Variants in SNRNP40 observed in about 807,000 individuals in gnomAD.
The protein encoded by SNRNP40 is small nuclear ribonucleoprotein U5 subunit 40, also known as U5 small nuclear ribonucleoprotein 40 kDa protein.
In SNRNP40, 21 loss-of-function variants were observed where a neutral mutation model predicts 45.8. That is an observed-to-expected ratio of 0.46 (90% CI 0.32 to 0.66). The LOEUF (loss-of-function observed/expected upper bound fraction) is 0.66, where lower values mean the gene tolerates loss of function less well. Among genes scored for constraint, SNRNP40 ranks in the 30% least tolerant of loss-of-function variants. SNRNP40 has a pLI of 0.03. For missense variants in SNRNP40, 344 were observed against 439.1 expected, an observed-to-expected ratio of 0.78 and a Z score of 1.94; for synonymous variants, 142 against 163.8, an observed-to-expected ratio of 0.87 and a Z score of 1.01.
Position 31,296,622 on chromosome 1 carries a change from A to C in SNRNP40, c.130T>G (p.Leu44Val). 1 of 1,611,308 alleles carries C rather than the reference A, an allele frequency of 6.2e-7. No individual in the cohort carries two copies. Among genetic ancestry groups the C allele is most frequent in the South Asian group, 1.1e-5 (1 of 90,880 alleles). Residue 44 changes from leucine to valine, a missense_variant, in exon 1 of 10, where the codon TTG (leucine) becomes GTG (valine). Physicochemically the swap from Leu to Val is conservative, Grantham distance 32. This residue lies in a region of SNRNP40 where 90 missense variants were observed against 58.9 expected (regional missense o/e 1.53). Transcript: ENST00000263694. ...AGQQQATPGA[L>V]LQAGPPRCSS... is the part of the protein sequence containing the mutation. ...GCTTCTTCACTTACCGCTTGCAGCA[A>C]GGCTCCCGGCGTCGCCTGCTGCTGC... is the stretch of plus-strand genomic sequence containing the variant.
chr1:31,289,513 A>G (rs1646087166), intron 3 of SNRNP40, 94 bp from the exon 4 acceptor site: 2 of 1,147,726 alleles, frequency 1.7e-6, no homozygotes, highest in South Asian at 2.7e-5. Context: ...AAATTTTTCA[A>G]GATCACTGAC....
At position 31,296,761 on chromosome 1, in the gene SNRNP40, C is replaced by G. The variant is rs964854911; in HGVS notation, c.-10G>C. 6.3e-6 allele frequency: 10 copies of G among 1,591,270 alleles called. No individual in the cohort carries two copies. Among genetic ancestry groups the G allele is most frequent in the Non-Finnish European group, 5.1e-6 (6 of 1,168,224 alleles). ...TCTGCTGTTCTATCATGGCGGCAACCGGTCTCTTCAGCGCCGCCACTGACC... is the reference window on the plus strand; with the variant it reads ...TCTGCTGTTCTATCATGGCGGCAACGGGTCTCTTCAGCGCCGCCACTGACC... On this transcript the variant is annotated 5_prime_UTR_variant, in exon 1 of 10. Coordinates refer to ENST00000263694, the MANE Select transcript of SNRNP40 (RefSeq NM_004814.3).
intron 4 of SNRNP40, among the ~76,000 whole-genome samples, chr1:31,284,811 A>G (rs1646043994): frequency 6.6e-6 from 1 of 152,194 alleles, no homozygotes; most frequent in Non-Finnish European, 1.5e-5. Context: ...TTCTTTGTTC[A>G]TGTAAATACG....
At chr1:31,273,768 C>G (rs899360592) in intron 5 of SNRNP40, among the ~76,000 whole-genome samples, 2 of 152,076 alleles carry the variant, frequency 1.3e-5, no homozygotes, top group African/African-American at 4.8e-5. Flanking sequence ...AGACATGGCC[C>G]TGCTCACAAG....
At chr1:31,268,403 C>T (rs993922586) in intron 7 of SNRNP40, among the ~76,000 whole-genome samples, 2 of 151,740 alleles carry the variant, frequency 1.3e-5, no homozygotes, top group Non-Finnish European at 2.9e-5. Flanking sequence ...CCACTTCAGC[C>T]TCCCAAGCAG....
intron 5 of SNRNP40, among the ~76,000 whole-genome samples, chr1:31,274,645 TA>T (rs368995037): frequency 0.02 from 2,236 of 111,994 alleles, 61 homozygotes; most frequent in African/African-American, 0.068. Context: ...ACCATTACAT[TA>T]AAAAAAAAAA....
chr1:31,263,709 C>G, intron 8 of SNRNP40: 1 of 384,710 alleles, frequency 2.6e-6, no homozygotes, highest in Non-Finnish European at 5.0e-6. Flanking sequence ...AATTGTTTTT[C>G]TTATTCAAGC....
intron 6 of SNRNP40, chr1:31,269,448 G>A (rs1645922273): frequency 8.1e-7 from 1 of 1,239,634 alleles, no homozygotes; most frequent in South Asian, 2.3e-5. Context: ...ACTGGGGCTA[G>A]CTGAGGGGGC....
At chr1:31,279,842 C>T (rs1177644875) in intron 5 of SNRNP40, among the ~76,000 whole-genome samples, 3 of 151,482 alleles carry the variant, frequency 2.0e-5, no homozygotes, top group Non-Finnish European at 4.4e-5. Flanking sequence ...GGCACGGTGG[C>T]TCACACCCGT....
intron 1 of SNRNP40, among the ~76,000 whole-genome samples, chr1:31,294,448 ATATT>A (rs35334975): frequency 4.0e-5 from 6 of 148,910 alleles, no homozygotes; most frequent in South Asian, 2.1e-4. Context: ...CAGCATTTTC[ATATT>A]TATTTATTTA....
rs6683981 is a variant in SNRNP40, at chr1:31,296,762, G to A, written c.-11C>T. Reference sequence around the variant, plus strand: ...CTGCTGTTCTATCATGGCGGCAACCGGTCTCTTCAGCGCCGCCACTGACCG... The same window carrying A: ...CTGCTGTTCTATCATGGCGGCAACCAGTCTCTTCAGCGCCGCCACTGACCG... On this transcript the variant is annotated 5_prime_UTR_variant, in exon 1 of 10. Transcript: ENST00000263694. 2.6e-3 allele frequency: 4,167 copies of A among 1,589,870 alleles called. 91 individuals carry two copies. In the African/African-American group the frequency reaches 0.047, roughly 18 times the overall value.
intron 4 of SNRNP40, among the ~76,000 whole-genome samples, chr1:31,287,327 T>C (rs6425732): frequency 0.99 from 150,239 of 152,282 alleles, 74,145 homozygotes; most frequent in Middle Eastern, 1. Flanking sequence ...ACATACTGCT[T>C]ATTAAAAAAA....
rs751637589 is a variant in SNRNP40 at position 31,289,433 on chromosome 1, G to C, written c.366-14C>G. 6.2e-7 allele frequency: 1 copy of C among 1,603,752 alleles called. No individual in the cohort carries two copies. The highest frequency in any genetic ancestry group is 8.5e-7 in the Non-Finnish European group (1 of 1,173,190). ...GAGAAAAGCATACTAGAAAGTAAGA[G>C]AAAGAATAAAAAAGAAATAAGTGAA... On this transcript the variant is annotated splice_polypyrimidine_tract_variant and intron_variant, in intron 3 of 9. Transcript: ENST00000263694.
chr1:31,260,168 G>A (rs760235811), intron 9 of SNRNP40, 47 bp from the exon 10 acceptor site: 1 of 1,379,190 alleles, frequency 7.3e-7, no homozygotes, highest in Non-Finnish European at 9.9e-7. Context: ...GGCTCAAGGA[G>A]ACTTGGTGCT....
chr1:31,278,074 G>T (rs1418009920), intron 5 of SNRNP40, among the ~76,000 whole-genome samples: 1 of 152,144 alleles, frequency 6.6e-6, no homozygotes, highest in Non-Finnish European at 1.5e-5. Context: ...TTTCTCCTTT[G>T]TGTCAAACCT....
chr1:31,280,505 T>A (rs1181372931), intron 5 of SNRNP40, among the ~76,000 whole-genome samples: 1 of 151,848 alleles, frequency 6.6e-6, no homozygotes, highest in Non-Finnish European at 1.5e-5. Flanking sequence ...AAGGAAACAA[T>A]GAGGGATGGA....
Position 31,296,678 on chromosome 1 carries a change from A to G in SNRNP40, c.74T>C (p.Leu25Pro). ...TCCTGGGCCAGACCCCGCTCCCAAC[A>G]GCAACTCATGCCGCTGCCGCTTGAC... ...VPVKRQRHELLLGAGSGPGAG... is the reference protein window; with the variant it reads ...VPVKRQRHELPLGAGSGPGAG... The change falls in exon 1 of 10, where the codon CTG becomes CCG. Residue 25 changes from leucine (L) to proline (P), a missense_variant. This residue lies in a region of SNRNP40 where 90 missense variants were observed against 58.9 expected (regional missense o/e 1.53). Coordinates refer to ENST00000263694, the MANE Select transcript of SNRNP40 (RefSeq NM_004814.3). The G allele has an allele frequency of 6.2e-7, 1 of 1,613,952 alleles. No individual in the cohort carries two copies. The highest frequency in any genetic ancestry group is 8.5e-7 in the Non-Finnish European group (1 of 1,179,936).
chr1:31,269,025 G>T, intron 7 of SNRNP40, 133 bp downstream of exon 7: 1 of 818,506 alleles, frequency 1.2e-6, no homozygotes, highest in Non-Finnish European at 1.8e-6. Context: ...TTGGCAACAA[G>T]TTTTAATTAA....
chr1:31,259,870 T>C lies in SNRNP40; in HGVS notation c.*202A>G, dbSNP rs1364675154. The C allele has an allele frequency of 2.9e-6, 2 of 698,670 alleles. No individual in the cohort carries two copies. The highest frequency in any genetic ancestry group is 5.2e-6 in the Non-Finnish European group (2 of 382,558). 43.3% of individuals were successfully genotyped at this position (698,670 alleles called of 1,614,324 possible). A position where few individuals can be genotyped will look rare whatever the true frequency, so the allele number is the denominator to read the frequency against. On this transcript the variant is annotated 3_prime_UTR_variant, in exon 10 of 10. Coordinates refer to ENST00000263694, the MANE Select transcript of SNRNP40 (RefSeq NM_004814.3). ...TCCCTGAAATCTGGCAGGTGGTTTT[T>C]AGAGGCCACAGGGAGCTTGCCTTAG...
Sources: allele counts gnomAD v4.1 joint callset (sites outside exome capture counted in the v4.1 genomes callset), GRCh38; gene constraint gnomAD v4.1.1; regional missense constraint gnomAD v4.1.1; transcripts MANE v1.5; gene names NCBI Gene and HGNC (gene_info 2026-07-23, HGNC 2026-07-21).